The following ELF1 variants were observed in gnomAD, a reference collection of about 807,000 sequenced individuals.
ELF1 encodes ETS-related transcription factor Elf-1.
In ELF1, 24 loss-of-function variants were observed where a neutral mutation model predicts 59.9. The observed-to-expected ratio is 0.40, with a 90% CI of 0.29 to 0.56. The LOEUF is 0.56. Among genes scored for constraint, ELF1 ranks in the 20% least tolerant of loss-of-function variants. The probability of loss-of-function intolerance (pLI) is 0.44; values close to 1 mark genes in which losing one functional copy is unlikely to be tolerated. For missense variants in ELF1, 627 were observed against 742.2 expected (o/e 0.84, Z 1.80); for synonymous variants, 248 against 266.2 (o/e 0.93, Z 0.67).
At chr13:40,948,321 A>G (rs962257248) in intron 5 of ELF1, among the ~76,000 whole-genome samples, 6 of 152,160 alleles carry the variant, frequency 3.9e-5, no homozygotes, top group Admixed American at 2.0e-4. Context: ...GTCTGTGCCA[A>G]TGGGTGGATT....
intron 1 of ELF1, among the ~76,000 whole-genome samples, chr13:41,045,243 C>T (rs1232004165): frequency 6.7e-6 from 1 of 149,962 alleles, no homozygotes; most frequent in Admixed American, 6.6e-5. Flanking sequence ...AAAAAAAAAA[C>T]AGCTCATGGA....
Position 40,992,787 on chromosome 13 carries a change from C to A in ELF1, c.-228-10505G>T, listed in dbSNP as rs1873928602. 1.4e-5 allele frequency: 5 copies of A among 349,168 alleles called. No homozygotes were observed. The East Asian group carries it at 3.2e-4, about 22-fold the overall frequency. 21.6% of individuals were successfully genotyped at this position (349,168 alleles called of 1,614,324 possible). A position where few individuals can be genotyped will look rare whatever the true frequency, so the allele number is the denominator to read the frequency against. ...TCATCTGAAAAGATGTTACTTGGGG[C>A]TGGAGAGAACTATACATGTGAGGAT... On this transcript the variant is annotated intron_variant, in intron 1 of 8. Transcript: ENST00000239882.
At chr13:40,964,591 G>T (rs1335431570) in intron 2 of ELF1, among the ~76,000 whole-genome samples, 1 of 152,118 alleles carries the variant, frequency 6.6e-6, no homozygotes, top group Admixed American at 6.6e-5. Context: ...CTGGAGTGCA[G>T]TGGTGCAATC....
At chr13:40,977,469 G>A (rs746787867) in intron 2 of ELF1, among the ~76,000 whole-genome samples, 25 of 152,146 alleles carry the variant, frequency 1.6e-4, no homozygotes, top group African/African-American at 6.0e-4. Flanking sequence ...ACTCAAGAGT[G>A]CCAAGCAATT....
At chr13:40,951,247 A>G (rs1472797287) in intron 4 of ELF1, 82 bp downstream of exon 4, 10 of 1,151,976 alleles carry the variant, frequency 8.7e-6, no homozygotes, top group Non-Finnish European at 1.2e-5. Flanking sequence ...CATCATTTCT[A>G]ATCTCTTGAT....
At chr13:40,993,095 G>A in intron 1 of ELF1, 1 of 1,607,592 alleles carries the variant, frequency 6.2e-7, no homozygotes, top group South Asian at 1.1e-5. Context: ...TTTGAGACCA[G>A]GGCAAGACTT....
At chr13:40,938,670 G>C (rs1869940842) in intron 8 of ELF1, among the ~76,000 whole-genome samples, 1 of 152,048 alleles carries the variant, frequency 6.6e-6, no homozygotes, top group Admixed American at 6.5e-5. Context: ...TAAAGTGTAT[G>C]AAGTACAAAG....
intron 2 of ELF1, among the ~76,000 whole-genome samples, chr13:40,968,840 G>A (rs963727949): frequency 2.0e-5 from 3 of 151,330 alleles, no homozygotes; most frequent in African/African-American, 2.4e-5. Flanking sequence ...CCACCTCAGC[G>A]ACATGAATAG....
intron 3 of ELF1, among the ~76,000 whole-genome samples, chr13:40,952,012 CAAATT>C (rs1436532372): frequency 6.6e-6 from 1 of 152,122 alleles, no homozygotes; most frequent in Non-Finnish European, 1.5e-5. Flanking sequence ...TTGCTTAAAT[CAAATT>C]AAGTCTGCAT....
At chr13:41,023,258 T>G (rs1250856284), upstream of ELF1, among the ~76,000 whole-genome samples, 1 of 152,204 alleles carries the variant, frequency 6.6e-6, no homozygotes, top group East Asian at 1.9e-4. Flanking sequence ...CCTCTTCCCT[T>G]TGAACTCAAA....
At chr13:41,046,046 C>T (rs1876830536) in intron 1 of ELF1, among the ~76,000 whole-genome samples, 1 of 151,856 alleles carries the variant, frequency 6.6e-6, no homozygotes, top group African/African-American at 2.4e-5. Context: ...TAATGGCCTT[C>T]TTTGTCTCTT....
At chr13:40,941,960 C>G (rs1203534032) in intron 7 of ELF1, among the ~76,000 whole-genome samples, 1 of 152,116 alleles carries the variant, frequency 6.6e-6, no homozygotes, top group African/African-American at 2.4e-5. Context: ...CACTCAGCCC[C>G]CCTCTGCCAA....
intron 1 of ELF1, among the ~76,000 whole-genome samples, chr13:41,053,762 T>C (rs1273395985): frequency 2.0e-5 from 3 of 152,228 alleles, no homozygotes; most frequent in Non-Finnish European, 4.4e-5. Context: ...TATTTCACAA[T>C]CACCATTTTA....
intron 2 of ELF1, 61 bp downstream of exon 2, chr13:40,981,921 CT>C (rs1873294926): frequency 5.9e-6 from 9 of 1,526,140 alleles, no homozygotes; most frequent in Non-Finnish European, 7.9e-6. Flanking sequence ...AAATAATTTT[CT>C]GATATGAATA....
At chr13:41,030,936 G>C (rs1393283552) in intron 1 of ELF1, among the ~76,000 whole-genome samples, 2 of 151,834 alleles carry the variant, frequency 1.3e-5, no homozygotes, top group Non-Finnish European at 2.9e-5. Context: ...TGAAGCAGGT[G>C]AATCACTTGA....
Position 41,047,740 on chromosome 13 carries a change from G to A in ELF1, c.-229+13098C>T, listed in dbSNP as rs188073698. Among the ~76,000 whole-genome samples the A allele has an allele frequency of 1.7e-3, 264 of 152,338 alleles. 1 individual carries two copies. The highest frequency in any genetic ancestry group is 1.8e-3 in the Non-Finnish European group (125 of 68,032). On this transcript the variant is annotated intron_variant, in intron 1 of 1. Transcript: ENST00000405737. ...CTTGGGGGTCAGGGACCCACTTGAG[G>A]AGGCAGTCTGACTGTTCTCAGATCT... is the stretch of plus-strand genomic sequence containing the variant.
rs147775808 is a variant in ELF1 at position 40,963,973 on chromosome 13, T to C, written c.73-4957A>G. The stretch of plus-strand genomic sequence containing the variant: ...GAGGCTTGAATCTGTATATACAAAA[T>C]ACATTTAGGAAACACCTCTCAGGTG... On this transcript the variant is annotated intron_variant, in intron 2 of 8. Coordinates refer to ENST00000239882, the MANE Select transcript of ELF1 (RefSeq NM_172373.4). 2.0e-3 allele frequency among the ~76,000 whole-genome samples: 310 copies of C among 151,586 alleles called. 5 individuals carry two copies. Among genetic ancestry groups the C allele is most frequent in the East Asian group, 1.2e-3 (6 of 5,176 alleles).
intron 8 of ELF1, among the ~76,000 whole-genome samples, chr13:40,936,852 CAGG>C (rs1056220452): frequency 3.3e-5 from 5 of 151,090 alleles, no homozygotes. Flanking sequence ...GAGGCTGAGG[CAGG>C]AGAACTGCTT....
At chr13:41,007,641 A>G (rs1874829111) in intron 1 of ELF1, among the ~76,000 whole-genome samples, 1 of 152,184 alleles carries the variant, frequency 6.6e-6, no homozygotes, top group Admixed American at 6.5e-5. Context: ...TGATTTCCTC[A>G]TTAGAGAGGT....
Sources: allele counts gnomAD v4.1 joint callset (sites outside exome capture counted in the v4.1 genomes callset), GRCh38; gene constraint gnomAD v4.1.1; transcripts MANE v1.5; gene names NCBI Gene and HGNC (gene_info 2026-07-23, HGNC 2026-07-21).